Variants in UNC5B observed in about 807,000 individuals in gnomAD.
UNC5B encodes netrin receptor UNC5B.
In UNC5B, 56 loss-of-function variants were observed where a neutral mutation model predicts 103.7. That is an observed-to-expected ratio of 0.54 (90% confidence interval 0.44 to 0.67). UNC5B has a LOEUF of 0.67. UNC5B is among the 30% of genes least tolerant of loss of function. UNC5B has a pLI of 0.00. For missense variants in UNC5B, 1,194 were observed against 1,284.5 expected, an observed-to-expected ratio of 0.93 and a Z score of 1.08; for synonymous variants, 577 against 542.0, an observed-to-expected ratio of 1.06 and a Z score of -0.90.
intron 1 of UNC5B, among the ~76,000 whole-genome samples, chr10:71,236,292 G>A (rs1387086394): frequency 1.3e-5 from 2 of 152,198 alleles, no homozygotes; most frequent in East Asian, 3.8e-4. Context: ...GTGAGAATGT[G>A]CTTGTGTAGC....
At position 71,296,641 on chromosome 10, in the gene UNC5B, G is replaced by A. The variant is rs1845422131; in HGVS notation, c.2389G>A (p.Glu797Lys). The A allele has an allele frequency of 6.2e-7, 1 of 1,614,068 alleles. No individual in the cohort carries two copies. The highest frequency in any genetic ancestry group is 1.1e-5 in the South Asian group (1 of 91,088). The part of the protein sequence containing the change: ...QKALHCTFTL[E>K]RHSLASTELT... ...GGCCCTCCACTGCACTTTCACCCTG[G>A]AGAGGCACAGCTTGGCCTCCACAGA... The change falls in exon 15 of 17, where the codon GAG becomes AAG. Residue 797 changes from glutamate (E) to lysine (K), a missense_variant. By Grantham distance (56) the Glu-to-Lys change is moderately conservative (BLOSUM62 1). Transcript: ENST00000335350.
chr10:71,286,600 T>A, intron 4 of UNC5B, 89 bp from the exon 5 acceptor site: 1 of 1,513,770 alleles, frequency 6.6e-7, no homozygotes. Flanking sequence ...GCCACGACTA[T>A]GGCGTGGACC....
chr10:71,261,705 G>T (rs559808523), intron 1 of UNC5B, among the ~76,000 whole-genome samples: 2 of 152,330 alleles, frequency 1.3e-5, no homozygotes, highest in Admixed American at 6.5e-5. Context: ...CTACACTCTA[G>T]AGTCTTGCCC....
intron 2 of UNC5B, among the ~76,000 whole-genome samples, chr10:71,282,123 T>C (rs1053744907): frequency 3.3e-5 from 5 of 152,198 alleles, no homozygotes; most frequent in African/African-American, 9.6e-5. Context: ...GCCCTAGAAA[T>C]TGGGGCACTG....
At chr10:71,280,421 T>C (rs570846609) in intron 2 of UNC5B, among the ~76,000 whole-genome samples, 1 of 152,354 alleles carries the variant, frequency 6.6e-6, no homozygotes, top group East Asian at 1.9e-4. Flanking sequence ...TCGTTATTTT[T>C]ACAGTTCCCT....
intron 8 of UNC5B, among the ~76,000 whole-genome samples, 173 bp from the exon 9 acceptor site, chr10:71,290,742 G>A (rs1845225988): frequency 6.6e-6 from 1 of 152,234 alleles, no homozygotes; most frequent in Admixed American, 6.5e-5. Context: ...TTTACCGATA[G>A]AGAGGTTCAA....
rs5786026 is a variant in UNC5B, at chr10:71,213,675, AATTATTATT to A, written c.79+637_79+645del. Among the ~76,000 whole-genome samples the A allele has an allele frequency of 2.6e-3, 343 of 133,254 alleles. 2 individuals carry two copies. Among genetic ancestry groups the A allele is most frequent in the South Asian group, 0.017 (63 of 3,794 alleles). 87.4% of individuals were successfully genotyped at this position (133,254 alleles called of 152,430 possible). A position where few individuals can be genotyped will look rare whatever the true frequency, so the allele number is the denominator to read the frequency against. On this transcript the variant is annotated intron_variant, in intron 1 of 16. Coordinates refer to ENST00000335350, the MANE Select transcript of UNC5B (RefSeq NM_170744.5). This position sits in a 1 kb window ranked among gnomAD's most constrained non-coding sequence, Gnocchi z 4.1. ...ATCGCTGGGCCCGCAGGTCTGGAAGAATTATTATTATTATTATTATTATTATTATTATTA... is the reference window on the plus strand; with the variant it reads ...ATCGCTGGGCCCGCAGGTCTGGAAGAATTATTATTATTATTATTATTATTA...
rs769814832 is a variant in UNC5B, at chr10:71,299,125, T to C, written c.2686T>C (p.Phe896Leu). 5 of 1,614,216 alleles carry C rather than the reference T, an allele frequency of 3.1e-6. No individual in the cohort carries two copies. The highest frequency in any genetic ancestry group is 4.2e-6 in the Non-Finnish European group (5 of 1,180,022). Residue 896 changes from phenylalanine to leucine, a missense_variant, in exon 17 of 17, where the codon TTT (phenylalanine) becomes CTT (leucine). Physicochemically the swap from Phe to Leu is conservative, Grantham distance 22 (BLOSUM62 0). Coordinates refer to ENST00000335350, the MANE Select transcript of UNC5B (RefSeq NM_170744.5). ...KLSMDRYLNYFATKASPTGVI... is the reference protein window; with the variant it reads ...KLSMDRYLNYLATKASPTGVI... ...TCCCTCTGCCAGGTACCTGAATTACTTTGCCACCAAAGCGAGCCCCACGGG... is the reference window on the plus strand; with the variant it reads ...TCCCTCTGCCAGGTACCTGAATTACCTTGCCACCAAAGCGAGCCCCACGGG...
chr10:71,250,760 C>G (rs907953330), intron 1 of UNC5B, among the ~76,000 whole-genome samples: 2 of 152,202 alleles, frequency 1.3e-5, no homozygotes, highest in African/African-American at 2.4e-5. Context: ...GGGTTATCCC[C>G]CTCCTAGCTC....
intron 1 of UNC5B, among the ~76,000 whole-genome samples, chr10:71,249,430 A>G (rs1238743619): frequency 6.6e-6 from 1 of 152,224 alleles, no homozygotes; most frequent in Admixed American, 6.5e-5. Context: ...GGGTGGGGAC[A>G]AAAGTGACAG....
chr10:71,222,591 C>T (rs1174290179), intron 1 of UNC5B, among the ~76,000 whole-genome samples: 2 of 152,182 alleles, frequency 1.3e-5, no homozygotes, highest in African/African-American at 2.4e-5. Context: ...TCTCCCTGTG[C>T]ATCTCTGGGC....
At chr10:71,227,625 T>TACAC (rs1296565698) in intron 1 of UNC5B, among the ~76,000 whole-genome samples, 4,484 of 144,774 alleles carry the variant, frequency 0.031, 112 homozygotes, top group East Asian at 0.11. Flanking sequence ...TATATACATA[T>TACAC]ATACATATAT....
At chr10:71,296,095 C>A in intron 14 of UNC5B, 135 bp downstream of exon 14, 1 of 1,256,712 alleles carries the variant, frequency 8.0e-7, no homozygotes, top group South Asian at 1.5e-5. Context: ...GTCTCTGTCT[C>A]CTCCCACCCC....
chr10:71,284,124 G>A (rs1001537082), intron 2 of UNC5B, among the ~76,000 whole-genome samples: 9 of 152,226 alleles, frequency 5.9e-5, no homozygotes, highest in African/African-American at 1.7e-4. Flanking sequence ...GGGCACAGTG[G>A]TGGGAGTGCC....
Position 71,296,609 on chromosome 10 carries a change from G to A in UNC5B, c.2357G>A (p.Ser786Asn). Residue 786 changes from serine (S) to asparagine (N), a missense_variant, in exon 15 of 17, where the codon AGC becomes AAC. Coordinates refer to ENST00000335350, the MANE Select transcript of UNC5B (RefSeq NM_170744.5). ...EIPFYHIWSG[S>N]QKALHCTFTL... ...CCCTTCTATCACATTTGGAGTGGCA[G>A]CCAGAAGGCCCTCCACTGCACTTTC... 6.2e-7 allele frequency: 1 copy of A among 1,613,942 alleles called. No individual in the cohort carries two copies. The highest frequency in any genetic ancestry group is 8.5e-7 in the Non-Finnish European group (1 of 1,180,028).
At chr10:71,287,207 C>T (rs1019095155) in intron 5 of UNC5B, among the ~76,000 whole-genome samples, 6 of 152,238 alleles carry the variant, frequency 3.9e-5, no homozygotes, top group African/African-American at 1.4e-4. Context: ...CTGCTGCCCC[C>T]TTGGGCCCTA....
In UNC5B at chr10:71,284,705, C is replaced by A; in HGVS notation, c.305-15C>A. On this transcript the variant is annotated splice_polypyrimidine_tract_variant and intron_variant, in intron 2 of 16. Coordinates refer to ENST00000335350, the MANE Select transcript of UNC5B (RefSeq NM_170744.5). ...TTTGCCCCTGCCCCCTGACGGCTCT[C>A]TCTTCTCCTCCCAGGCCTGCGGGTG... 1.9e-6 allele frequency: 3 copies of A among 1,612,990 alleles called. No homozygotes were observed. The highest frequency in any genetic ancestry group is 2.5e-6 in the Non-Finnish European group (3 of 1,180,002).
In UNC5B at chr10:71,235,389, G is replaced by A. The variant is rs76448100; in HGVS notation, c.79+22325G>A. Among the ~76,000 whole-genome samples, 54 of 152,340 alleles carry A rather than the reference G, an allele frequency of 3.5e-4. No homozygotes were observed. In the East Asian group the frequency reaches 7.2e-3, roughly 20 times the overall value. ...GCCCTGAACTCAGCAGAGAGCTGAGGACTGGTTTCCCTGGGTGGGACTGAC... is the reference window on the plus strand; with the variant it reads ...GCCCTGAACTCAGCAGAGAGCTGAGAACTGGTTTCCCTGGGTGGGACTGAC... On this transcript the variant is annotated intron_variant, in intron 1 of 16. Transcript: ENST00000335350.
chr10:71,288,584 G>A lies in UNC5B; in HGVS notation c.918G>A (p.Thr306=), dbSNP rs1197911762. ...CTCTTACAGTCGATGGGGCGTGGAC[G>A]GAGTGGAGCAAGTGGTCAGCCTGCA... is the stretch of plus-strand genomic sequence containing the variant. ...TTICPVDGAW[T]EWSKWSACST... is the part of the protein sequence containing the mutation. Residue 306 remains threonine (T), a synonymous_variant, in exon 7 of 17, where the codon ACG becomes ACA. Coordinates refer to ENST00000335350, the MANE Select transcript of UNC5B (RefSeq NM_170744.5). The A allele has an allele frequency of 6.8e-6, 11 of 1,613,720 alleles. No individual in the cohort carries two copies. Among genetic ancestry groups the A allele is most frequent in the Middle Eastern group, 3.3e-4 (2 of 6,052 alleles).
Sources: gnomAD v4.1 joint callset for allele counts (sites outside exome capture counted in the v4.1 genomes callset) on GRCh38, gnomAD v4.1.1 for gene constraint, Gnocchi (gnomAD v3.1) non-coding constraint, MANE v1.5 for transcripts, NCBI Gene and HGNC (gene_info 2026-07-23, HGNC 2026-07-21) for gene names.